Variants in MAML2 observed in about 807,000 individuals in gnomAD.
The protein encoded by MAML2 is mastermind like transcriptional coactivator 2, also known as mastermind-like protein 2.
Under a neutral mutation model 96.1 loss-of-function variants are expected in MAML2, and 22 were observed. The ratio of observed to expected loss-of-function variants is 0.23; its 90% CI spans 0.16 to 0.33. MAML2 has a LOEUF of 0.33. MAML2 is among the 10% of genes least tolerant of loss of function. The pLI is 1.00. For missense variants in MAML2, 1,367 were observed against 1,392.4 expected (o/e 0.98, Z 0.29); for synonymous variants, 561 against 521.3 (o/e 1.08, Z -1.04).
At chr11:96,335,011 A>G (rs7114686) in intron 1 of MAML2, among the ~76,000 whole-genome samples, 5,394 of 152,270 alleles carry the variant, frequency 0.035, 311 homozygotes, top group African/African-American at 0.12. Flanking sequence ...GGTTGAAGCT[A>G]GTCAATAGCC....
intron 1 of MAML2, among the ~76,000 whole-genome samples, chr11:96,135,135 T>C (rs1213732277): frequency 6.6e-6 from 1 of 152,226 alleles, no homozygotes; most frequent in African/African-American, 2.4e-5. Context: ...GAGTTAATGC[T>C]GTTATTGTGA....
chr11:96,340,673 G>A (rs1052940625), intron 1 of MAML2, among the ~76,000 whole-genome samples: 1 of 152,194 alleles, frequency 6.6e-6, no homozygotes, highest in Non-Finnish European at 1.5e-5. Context: ...TCTGCTTAAC[G>A]AATGCTCTAA....
At chr11:96,188,098 G>A (rs150665712) in intron 1 of MAML2, among the ~76,000 whole-genome samples, 4 of 152,328 alleles carry the variant, frequency 2.6e-5, no homozygotes, top group African/African-American at 9.6e-5. Flanking sequence ...AATCTTTGCT[G>A]GAAAGTGATG....
intron 1 of MAML2, among the ~76,000 whole-genome samples, chr11:96,293,195 ATC>A (rs1231274008): frequency 1.3e-5 from 2 of 152,214 alleles, no homozygotes; most frequent in East Asian, 3.8e-4. Context: ...TGTGCCAACT[ATC>A]TACATTGTTA....
rs1035618796 is a variant in MAML2 at position 96,238,566 on chromosome 11, C to T, written c.513+102817G>A. Among the ~76,000 whole-genome samples, 18 of 152,322 alleles carry T rather than the reference C, an allele frequency of 1.2e-4. No individual in the cohort carries two copies. In the East Asian group the frequency reaches 3.5e-3, roughly 29 times the overall value. The stretch of plus-strand genomic sequence containing the variant: ...CTCACAATGACATTTAGGTTTAGCT[C>T]CTGGATCGATAACTTTTTTCCAAAG... On this transcript the variant is annotated intron_variant, in intron 1 of 4. Coordinates refer to ENST00000524717, the MANE Select transcript of MAML2 (RefSeq NM_032427.4).
At chr11:96,290,922 T>C (rs1863199788) in intron 1 of MAML2, among the ~76,000 whole-genome samples, 1 of 152,178 alleles carries the variant, frequency 6.6e-6, no homozygotes, top group African/African-American at 2.4e-5. Context: ...ATTTTGATTT[T>C]AGAATGTTTC....
chr11:96,114,657 A>G lies in MAML2; in HGVS notation c.514-21140T>C, dbSNP rs189955747. Among the ~76,000 whole-genome samples the G allele has an allele frequency of 1.1e-3, 169 of 152,336 alleles. 1 individual carries two copies. The East Asian group carries it at 0.022, about 20-fold the overall frequency. Reference sequence around the variant, plus strand: ...AAGTTTCACCAGAGAGGCTCTCACCATGAAAGGGAATTGTGAATACTGAAA... The same window carrying G: ...AAGTTTCACCAGAGAGGCTCTCACCGTGAAAGGGAATTGTGAATACTGAAA... On this transcript the variant is annotated intron_variant, in intron 1 of 4. Transcript: ENST00000524717.
intron 1 of MAML2, among the ~76,000 whole-genome samples, chr11:96,185,236 C>A (rs16923219): frequency 1.3e-5 from 2 of 150,592 alleles, no homozygotes; most frequent in Non-Finnish European, 2.9e-5. Flanking sequence ...TTTGGTTACA[C>A]GCAGTTGTCA....
rs545646869 is a variant in MAML2 at position 96,091,229 on chromosome 11, C to G, written c.2139+663G>C. ...AACTCAGACTTTGGTTTTCCAGAAG[C>G]CTTCCCTGATTTCCCTTTGCCGGGT... On this transcript the variant is annotated intron_variant, in intron 2 of 4. Transcript: ENST00000524717. 3.9e-5 allele frequency among the ~76,000 whole-genome samples: 6 copies of G among 152,268 alleles called. No homozygotes were observed. In the East Asian group the frequency reaches 1.2e-3, roughly 29 times the overall value.
At chr11:96,289,308 G>A (rs957687375) in intron 1 of MAML2, among the ~76,000 whole-genome samples, 3 of 152,170 alleles carry the variant, frequency 2.0e-5, no homozygotes, top group Non-Finnish European at 2.9e-5. Flanking sequence ...GGATAACTGT[G>A]CTTTTATATA....
At chr11:96,201,566 A>G (rs753705025) in intron 1 of MAML2, among the ~76,000 whole-genome samples, 2 of 152,248 alleles carry the variant, frequency 1.3e-5, no homozygotes, top group African/African-American at 2.4e-5. Flanking sequence ...CAAAATGTCT[A>G]TGAGTATAAA....
chr11:96,150,037 C>G lies in MAML2; in HGVS notation c.514-56520G>C, dbSNP rs151332250. On this transcript the variant is annotated intron_variant, in intron 1 of 4. Transcript: ENST00000524717. ...AAACTTCTAACTACTTGTTGGATAT[C>G]TTCGCCTGAATATTCTACCCCTCAA... Among the ~76,000 whole-genome samples, 1,072 of 152,332 alleles carry G rather than the reference C, an allele frequency of 7.0e-3. 16 individuals are homozygous for G. The highest frequency in any genetic ancestry group is 0.02 in the Admixed American group (299 of 15,304).
At chr11:96,186,364 C>A (rs548947131) in intron 1 of MAML2, among the ~76,000 whole-genome samples, 2 of 152,080 alleles carry the variant, frequency 1.3e-5, no homozygotes, top group African/African-American at 2.4e-5. Context: ...CCACGGTGGG[C>A]GGATCACCTG....
chr11:96,008,212 T>C (rs63097361), intron 2 of MAML2, among the ~76,000 whole-genome samples: 1 of 143,840 alleles, frequency 7.0e-6, no homozygotes, highest in Non-Finnish European at 1.5e-5. Context: ...ACCTTTTTTT[T>C]CCTCAGCAAT....
intron 2 of MAML2, among the ~76,000 whole-genome samples, chr11:96,020,346 C>A (rs984006709): frequency 1.1e-4 from 17 of 152,190 alleles, no homozygotes; most frequent in Admixed American, 1.0e-3. Flanking sequence ...TGAAGTCTAA[C>A]CCACACTTGC....
chr11:96,110,186 A>C (rs1860093837), intron 1 of MAML2, among the ~76,000 whole-genome samples: 1 of 152,142 alleles, frequency 6.6e-6, no homozygotes, highest in African/African-American at 2.4e-5. Context: ...AGTGGATGGA[A>C]GGTAAAAAAA....
At chr11:96,009,769 A>G (rs1228970706) in intron 2 of MAML2, among the ~76,000 whole-genome samples, 2 of 152,220 alleles carry the variant, frequency 1.3e-5, no homozygotes, top group Non-Finnish European at 2.9e-5. Flanking sequence ...ATAATTCACA[A>G]TGTTGTGTAG....
chr11:96,206,346 C>T (rs1861895815), intron 1 of MAML2, among the ~76,000 whole-genome samples: 1 of 152,092 alleles, frequency 6.6e-6, no homozygotes, highest in Non-Finnish European at 1.5e-5. Flanking sequence ...GCCTGTAATC[C>T]CAGCACTTTG....
At chr11:96,110,543 T>C (rs947936522) in intron 1 of MAML2, among the ~76,000 whole-genome samples, 10 of 152,196 alleles carry the variant, frequency 6.6e-5, no homozygotes, top group Non-Finnish European at 1.5e-4. Context: ...ACAGGTTGTA[T>C]GTAATAGGAA....
Sources: gnomAD v4.1 joint callset for allele counts (sites outside exome capture counted in the v4.1 genomes callset) on GRCh38, gnomAD v4.1.1 for gene constraint, MANE v1.5 for transcripts, NCBI Gene and HGNC (gene_info 2026-07-23, HGNC 2026-07-21) for gene names.